Variants in E2F5 observed in about 807,000 individuals in gnomAD.
E2F5 encodes the protein E2F transcription factor 5.
A neutral mutation model predicts 39.1 loss-of-function variants in E2F5; 23 were observed. The observed-to-expected ratio is 0.59, with a 90% CI of 0.42 to 0.83. The LOEUF is 0.83. E2F5 is among the 40% of genes least tolerant of loss of function. The probability of loss-of-function intolerance (pLI) is 0.00; values close to 1 mark genes in which losing one functional copy is unlikely to be tolerated. For missense variants in E2F5, 365 were observed against 406.7 expected (o/e 0.90, Z 0.88); for synonymous variants, 145 against 157.8 (o/e 0.92, Z 0.61).
At chr8:85,198,439 T>C (rs1377920664) in intron 1 of E2F5, among the ~76,000 whole-genome samples, 2 of 152,200 alleles carry the variant, frequency 1.3e-5, no homozygotes, top group Admixed American at 1.3e-4. Flanking sequence ...AAGAGTTGTC[T>C]ATTCTAGCTT....
intron 5 of E2F5, 54 bp downstream of exon 5, chr8:85,207,543 A>C: frequency 1.4e-6 from 2 of 1,425,928 alleles, no homozygotes; most frequent in Non-Finnish European, 1.9e-6. Flanking sequence ...CTACTGTCTC[A>C]AGAAGGATAT....
chr8:85,180,518 AT>A (rs1812184673), intron 1 of E2F5, among the ~76,000 whole-genome samples: 1 of 4,500 alleles, frequency 2.2e-4, no homozygotes, highest in Non-Finnish European at 4.6e-4. Context: ...ATACATATAT[AT>A]ATATATATAT....
At chr8:85,193,310 C>A (rs947569312) in intron 1 of E2F5, among the ~76,000 whole-genome samples, 2 of 151,946 alleles carry the variant, frequency 1.3e-5, no homozygotes, top group African/African-American at 2.4e-5. Flanking sequence ...ATGGTGAAAC[C>A]CCATCTCTAC....
At position 85,203,096 on chromosome 8, in the gene E2F5, G is replaced by T. The variant is rs991415588; in HGVS notation, c.347G>T (p.Gly116Val). 1.3e-6 allele frequency: 2 copies of T among 1,527,212 alleles called. No homozygotes were observed. Among genetic ancestry groups the T allele is most frequent in the Non-Finnish European group, 1.8e-6 (2 of 1,136,196 alleles). 94.6% of individuals were successfully genotyped at this position (1,527,212 alleles called of 1,614,324 possible). ...KKSKNSIQWK[G>V]VGAGCNTKEV... ...ATTAATTCTCATATGTTTTTAAGAGGTGTAGGTGCTGGCTGTAATACTAAA... is the reference window on the plus strand; with the variant it reads ...ATTAATTCTCATATGTTTTTAAGAGTTGTAGGTGCTGGCTGTAATACTAAA... Residue 116 changes from glycine (G) to valine (V), a missense_variant and splice_region_variant, in exon 3 of 8, where the codon GGT (glycine) becomes GTT (valine). Coordinates refer to ENST00000416274, the MANE Select transcript of E2F5 (RefSeq NM_001951.4).
chr8:85,188,037 CAAAA>C (rs889358907), intron 1 of E2F5, among the ~76,000 whole-genome samples: 5 of 152,078 alleles, frequency 3.3e-5, no homozygotes, highest in Non-Finnish European at 7.4e-5. Context: ...AACAAACAAA[CAAAA>C]AGAAACCTAA....
At chr8:85,213,008 C>G (rs1196502952) in intron 7 of E2F5, 2 of 151,126 alleles carry the variant, frequency 1.3e-5, no homozygotes, top group Non-Finnish European at 2.9e-5. Context: ...AATGATTCTC[C>G]TGGCTCAGCC....
chr8:85,211,898 C>T (rs1330851082), intron 6 of E2F5, among the ~76,000 whole-genome samples: 1 of 151,950 alleles, frequency 6.6e-6, no homozygotes, highest in Non-Finnish European at 1.5e-5. Context: ...CTCACTCAGC[C>T]TCCCAAAGTG....
At chr8:85,202,047 T>C (rs1469124435) in intron 1 of E2F5, 100 bp from the exon 2 acceptor site, 3 of 969,044 alleles carry the variant, frequency 3.1e-6, no homozygotes, top group Non-Finnish European at 4.7e-6. Context: ...GTGGGTCAAA[T>C]TTGAGATTGG....
intron 1 of E2F5, among the ~76,000 whole-genome samples, chr8:85,178,916 A>G (rs1310454475): frequency 6.6e-6 from 1 of 152,204 alleles, no homozygotes; most frequent in Non-Finnish European, 1.5e-5. Context: ...ACTTCATACA[A>G]CTGAGGCATG....
At chr8:85,177,769 C>G in intron 1 of E2F5, 115 bp downstream of exon 1, 2 of 1,140,820 alleles carry the variant, frequency 1.8e-6, no homozygotes, top group African/African-American at 1.6e-5. Context: ...TGCGGGGACC[C>G]GGGACCGGGC....
chr8:85,193,825 C>A (rs1812520943), intron 1 of E2F5, among the ~76,000 whole-genome samples: 1 of 152,136 alleles, frequency 6.6e-6, no homozygotes, highest in African/African-American at 2.4e-5. Flanking sequence ...CCTTCCACTC[C>A]CCGAGTGGTG....
chr8:85,194,830 G>C (rs1028734502), intron 1 of E2F5, among the ~76,000 whole-genome samples: 2 of 150,676 alleles, frequency 1.3e-5, no homozygotes, highest in Non-Finnish European at 3.0e-5. Context: ...ACCATGCCTG[G>C]CCCTGTTATT....
At position 85,209,385 on chromosome 8, in the gene E2F5, A is replaced by C; in HGVS notation, c.859A>C (p.Thr287Pro). The C allele has an allele frequency of 6.8e-6, 11 of 1,611,696 alleles. No individual in the cohort carries two copies. Among genetic ancestry groups the C allele is most frequent in the Non-Finnish European group, 9.3e-6 (11 of 1,178,704 alleles). ...TGAAAGAAGCCAGGCTCTGCAGCAG[A>C]CATCAGCTACAGATATATCTTCAGG... ...VSERSQALQQ[T>P]SATDISSAGS... Residue 287 changes from threonine (T) to proline (P), a missense_variant, in exon 6 of 8, where the codon ACA becomes CCA. Coordinates refer to ENST00000416274, the MANE Select transcript of E2F5 (RefSeq NM_001951.4).
chr8:85,192,602 C>G (rs1239482423), intron 1 of E2F5, among the ~76,000 whole-genome samples: 1 of 152,162 alleles, frequency 6.6e-6, no homozygotes, highest in African/African-American at 2.4e-5. Context: ...TGCAACAGGA[C>G]TTAATAGTGT....
At chr8:85,212,459 T>G in intron 7 of E2F5, 1 of 393,188 alleles carries the variant, frequency 2.5e-6, no homozygotes, top group Non-Finnish European at 4.6e-6. Flanking sequence ...TGTTAGCCCT[T>G]TCCACTCCTG....
At position 85,209,326 on chromosome 8, in the gene E2F5, T is replaced by C; in HGVS notation, c.800T>C (p.Met267Thr). ...LTPVTPQKSS[M>T]ATQNLPEQHV... The stretch of plus-strand genomic sequence containing the variant: ...CCAGTGACTCCACAGAAATCCAGCA[T>C]GGCAACTCAAAATCTGCCTGAGCAA... The change falls in exon 6 of 8, where the codon ATG (methionine) becomes ACG (threonine). Residue 267 changes from methionine (M) to threonine (T), a missense_variant. By Grantham distance (81) the Met-to-Thr change is moderately conservative. Transcript: ENST00000416274. 1.2e-6 allele frequency: 2 copies of C among 1,614,012 alleles called. No homozygotes were observed. Among genetic ancestry groups the C allele is most frequent in the East Asian group, 2.2e-5 (1 of 44,884 alleles).
At chr8:85,191,455 A>G (rs1250231057) in intron 1 of E2F5, among the ~76,000 whole-genome samples, 1 of 152,254 alleles carries the variant, frequency 6.6e-6, no homozygotes, top group Non-Finnish European at 1.5e-5. Context: ...AAAAATGATC[A>G]GTATGTGAGA....
At chr8:85,179,516 A>AG (rs1721199854) in intron 1 of E2F5, among the ~76,000 whole-genome samples, 1 of 152,184 alleles carries the variant, frequency 6.6e-6, no homozygotes, top group Non-Finnish European at 1.5e-5. Context: ...CTACAATAAC[A>AG]CTGTCTCATT....
chr8:85,210,148 T>C (rs535653838), intron 6 of E2F5, among the ~76,000 whole-genome samples: 5 of 152,364 alleles, frequency 3.3e-5, no homozygotes, highest in Admixed American at 2.0e-4. Context: ...GAATGAATGG[T>C]GCCAATATAG....
Sources: allele counts gnomAD v4.1 joint callset (sites outside exome capture counted in the v4.1 genomes callset), GRCh38; gene constraint gnomAD v4.1.1; transcripts MANE v1.5; gene names NCBI Gene and HGNC (gene_info 2026-07-23, HGNC 2026-07-21).